Variants in ESRRG observed in about 807,000 individuals in gnomAD.
The protein encoded by ESRRG is estrogen-related receptor gamma.
ESRRG carries 13 observed loss-of-function variants against 44.0 expected under a neutral mutation model. The ratio of observed to expected loss-of-function variants is 0.30; its 90% CI spans 0.19 to 0.47. The LOEUF is 0.47. ESRRG is among the 20% of genes least tolerant of loss of function. ESRRG has a pLI of 1.00. For missense variants in ESRRG, 395 were observed against 580.6 expected (o/e 0.68, Z 3.29); for synonymous variants, 215 against 214.6 (o/e 1.00, Z -0.02).
intron 2 of ESRRG, among the ~76,000 whole-genome samples, chr1:216,845,633 C>T (rs2095733512): frequency 1.3e-5 from 2 of 152,130 alleles, no homozygotes; most frequent in Non-Finnish European, 2.9e-5. Flanking sequence ...GACTCTGAAG[C>T]ATCCAGTGGC....
chr1:216,927,705 G>A (rs2062778888), intron 2 of ESRRG, among the ~76,000 whole-genome samples: 1 of 152,126 alleles, frequency 6.6e-6, no homozygotes, highest in Admixed American at 6.5e-5. Flanking sequence ...CAGGAATATG[G>A]CATTCTTTTA....
chr1:217,049,864 G>A (rs1465373513), intron 1 of ESRRG, among the ~76,000 whole-genome samples: 3 of 152,232 alleles, frequency 2.0e-5, no homozygotes, highest in East Asian at 1.9e-4. Flanking sequence ...GGGGCAGAAA[G>A]TGAAGTGAAA....
upstream of ESRRG, among the ~76,000 whole-genome samples, chr1:216,724,255 G>A (rs568650684): frequency 2.6e-5 from 4 of 151,894 alleles, no homozygotes; most frequent in African/African-American, 4.8e-5. Context: ...GTAAACAGCC[G>A]CAGGACAAAT....
At position 216,781,975 on chromosome 1, in the gene ESRRG, C is replaced by T. The variant is rs766680084; in HGVS notation, c.-13-104484G>A. The stretch of plus-strand genomic sequence containing the variant: ...TTTCATTTGGGGTTACCTGGCCTTG[C>T]GGTCACCTCAGCTGACAAAGAGGAG... On this transcript the variant is annotated intron_variant, in intron 2 of 7. Transcript: ENST00000359162. Among the ~76,000 whole-genome samples the T allele has an allele frequency of 1.1e-4, 16 of 152,044 alleles. 1 individual carries two copies. The highest frequency in any genetic ancestry group is 4.1e-4 in the South Asian group (2 of 4,834).
chr1:216,774,180 C>T (rs995877482), intron 2 of ESRRG, among the ~76,000 whole-genome samples: 99 of 152,186 alleles, frequency 6.5e-4, no homozygotes, highest in Non-Finnish European at 8.8e-4. Flanking sequence ...TTAGAGAGCT[C>T]GGTCAGAACT....
chr1:216,739,846 A>T (rs1213273375), intron 2 of ESRRG, among the ~76,000 whole-genome samples: 1 of 152,206 alleles, frequency 6.6e-6, no homozygotes, highest in East Asian at 1.9e-4. Flanking sequence ...TCAACTGTTA[A>T]AATTCCCACC....
At chr1:217,109,809 G>A (rs1204943545) in intron 1 of ESRRG, among the ~76,000 whole-genome samples, 1 of 152,052 alleles carries the variant, frequency 6.6e-6, no homozygotes, top group Admixed American at 6.6e-5. Context: ...GAGTGGAAAA[G>A]AAAGCAAAAA....
intron 2 of ESRRG, among the ~76,000 whole-genome samples, chr1:216,762,568 GT>G (rs2092845199): frequency 3.3e-5 from 3 of 90,890 alleles, no homozygotes; most frequent in Admixed American, 9.6e-5. Flanking sequence ...GGTGGGGGGA[GT>G]GGGGAGGGAT....
intron 5 of ESRRG, among the ~76,000 whole-genome samples, chr1:216,529,486 A>C (rs2048649452): frequency 6.6e-6 from 1 of 152,208 alleles, no homozygotes; most frequent in Admixed American, 6.5e-5. Flanking sequence ...TTAATAAACT[A>C]ACCAATATGT....
At chr1:217,043,653 G>C (rs1334833758) in intron 1 of ESRRG, among the ~76,000 whole-genome samples, 1 of 946 alleles carries the variant, frequency 1.1e-3, no homozygotes, top group Admixed American at 0.016. Context: ...AGAATAATGG[G>C]GATTTTTTTG....
At chr1:216,851,379 G>A (rs2095840636) in intron 2 of ESRRG, among the ~76,000 whole-genome samples, 1 of 152,058 alleles carries the variant, frequency 6.6e-6, no homozygotes, top group South Asian at 2.1e-4. Context: ...GACTAAATGT[G>A]TGTATTCCTC....
intron 2 of ESRRG, among the ~76,000 whole-genome samples, chr1:216,873,879 G>A (rs898560060): frequency 2.6e-5 from 1 of 37,764 alleles, no homozygotes; most frequent in Admixed American, 3.8e-4. Flanking sequence ...GGAGAGAAGG[G>A]AGGGAAGGGA....
chr1:217,129,365 T>A (rs568094142), intron 1 of ESRRG, among the ~76,000 whole-genome samples: 346 of 152,324 alleles, frequency 2.3e-3, no homozygotes, highest in Middle Eastern at 6.8e-3. Flanking sequence ...AGAAATTAAA[T>A]CCCACATACA....
chr1:217,027,830 C>T (rs941583784), intron 1 of ESRRG, among the ~76,000 whole-genome samples: 2 of 152,166 alleles, frequency 1.3e-5, no homozygotes, highest in Admixed American at 1.3e-4. Flanking sequence ...CAGGACAACA[C>T]TTGACCTTTA....
At chr1:216,931,229 A>G (rs558952354) in intron 2 of ESRRG, among the ~76,000 whole-genome samples, 1 of 152,172 alleles carries the variant, frequency 6.6e-6, no homozygotes, top group East Asian at 1.9e-4. Context: ...GTCCATCCCT[A>G]ATCATTTTGG....
At chr1:216,681,640 A>AG (rs2151567893) in intron 1 of ESRRG, among the ~76,000 whole-genome samples, 1 of 152,344 alleles carries the variant, frequency 6.6e-6, no homozygotes, top group Admixed American at 6.5e-5. Context: ...GCTTAGGGTC[A>AG]GCAAGGGTGA....
intron 2 of ESRRG, among the ~76,000 whole-genome samples, chr1:216,796,948 G>A (rs936006197): frequency 1.3e-5 from 2 of 152,076 alleles, no homozygotes; most frequent in African/African-American, 4.8e-5. Context: ...CTGGAGTGCA[G>A]TGGTGCGATC....
At chr1:216,953,731 T>C (rs1329092599) in intron 1 of ESRRG, among the ~76,000 whole-genome samples, 2 of 152,108 alleles carry the variant, frequency 1.3e-5, no homozygotes, top group East Asian at 3.9e-4. Context: ...ATCACAGAGC[T>C]GTACAGGCAA....
At chr1:216,549,198 A>C (rs1352491809) in intron 5 of ESRRG, among the ~76,000 whole-genome samples, 1 of 152,158 alleles carries the variant, frequency 6.6e-6, no homozygotes, top group African/African-American at 2.4e-5. Context: ...AAGAAAATGA[A>C]CAAAAGTGAT....
Sources: gnomAD v4.1 joint callset for allele counts (sites outside exome capture counted in the v4.1 genomes callset) on GRCh38, gnomAD v4.1.1 for gene constraint, MANE v1.5 for transcripts, NCBI Gene and HGNC (gene_info 2026-07-23, HGNC 2026-07-21) for gene names.